The following COL15A1 variants were observed in gnomAD, a reference collection of about 807,000 sequenced individuals.
COL15A1 encodes the protein collagen alpha-1(XV) chain.
A neutral mutation model predicts 165.9 loss-of-function variants in COL15A1; 111 were observed. The ratio of observed to expected loss-of-function variants is 0.67; its 90% CI spans 0.57 to 0.78. The LOEUF is 0.78. Among genes scored for constraint, COL15A1 ranks in the 30% least tolerant of loss-of-function variants. The pLI is 0.00. For synonymous variants in COL15A1, 659 were observed against 674.8 expected (o/e 0.98, Z 0.36); for missense variants, 1,745 against 1,789.7 (o/e 0.98, Z 0.45).
chr9:98,999,647 C>G (rs1024535040), intron 6 of COL15A1, among the ~76,000 whole-genome samples: 8 of 151,248 alleles, frequency 5.3e-5, no homozygotes, highest in Non-Finnish European at 1.2e-4. Context: ...GGCTCCTGAG[C>G]AGCTGGGTCT....
chr9:98,985,894 C>T lies in COL15A1; in HGVS notation c.430C>T (p.His144Tyr). ...CCTCTACTACACGGAGCCAGGCTCC[C>T]ATGTGTCCCAAGAGGCTGCTGCCTT... ...IILYYTEPGS[H>Y]VSQEAAAFSV... Residue 144 changes from histidine to tyrosine, a missense_variant, in exon 3 of 42, where the codon CAT (histidine) becomes TAT (tyrosine). His to Tyr is a moderately conservative substitution (Grantham distance 83). Coordinates refer to ENST00000375001, the MANE Select transcript of COL15A1 (RefSeq NM_001855.5). The T allele has an allele frequency of 6.2e-7, 1 of 1,613,926 alleles. No individual in the cohort carries two copies. The highest frequency in any genetic ancestry group is 8.5e-7 in the Non-Finnish European group (1 of 1,180,024).
At chr9:99,022,241 C>T (rs2119009256) in intron 13 of COL15A1, 91 bp downstream of exon 13, 1 of 1,545,196 alleles carries the variant, frequency 6.5e-7, no homozygotes, top group Non-Finnish European at 8.9e-7. Flanking sequence ...TCCTTTTTGG[C>T]CCCCAAAGTA....
intron 36 of COL15A1, among the ~76,000 whole-genome samples, chr9:99,061,435 C>T (rs1825814324): frequency 6.6e-6 from 1 of 152,224 alleles, no homozygotes; most frequent in South Asian, 2.1e-4. Flanking sequence ...AGAGAAATTA[C>T]AGACCTCCAT....
chr9:99,005,156 C>A, intron 9 of COL15A1, 106 bp downstream of exon 9: 2 of 1,193,914 alleles, frequency 1.7e-6, no homozygotes, highest in Non-Finnish European at 2.3e-6. Flanking sequence ...GCCTGAGGCA[C>A]GGGGATCTCT....
chr9:99,056,697 G>T (rs1825725790), intron 35 of COL15A1, among the ~76,000 whole-genome samples: 1 of 152,118 alleles, frequency 6.6e-6, no homozygotes, highest in African/African-American at 2.4e-5. Flanking sequence ...ATTAGCAGTT[G>T]TTCTCTTTTC....
chr9:98,986,165 C>T, intron 3 of COL15A1, 53 bp downstream of exon 3: 1 of 1,367,100 alleles, frequency 7.3e-7, no homozygotes, highest in Non-Finnish European at 1.0e-6. Context: ...AACAGACTCG[C>T]CATGCAATAA....
chr9:98,959,227 CAAAAAAA>C (rs60892848), intron 2 of COL15A1, among the ~76,000 whole-genome samples: 3 of 73,218 alleles, frequency 4.1e-5, no homozygotes, highest in Middle Eastern at 8.3e-3. Flanking sequence ...CCTGTCTCTA[CAAAAAAA>C]AAAAAAAAAA....
intron 2 of COL15A1, among the ~76,000 whole-genome samples, chr9:98,949,744 T>C (rs947482258): frequency 3.3e-5 from 5 of 152,236 alleles, no homozygotes; most frequent in Non-Finnish European, 7.3e-5. Context: ...TGTCATTTAG[T>C]TCCTTCACAA....
chr9:99,003,515 G>A lies in COL15A1; in HGVS notation c.1128G>A (p.Glu376=). ...CCATCAGCACTGCTGGAGAAGCAGA[G>A]GCCAGCAGTGTGCCCACCGGGGGAC... ...EVPISTAGEA[E]ASSVPTGGPT... Residue 376 remains glutamate, a synonymous_variant, in exon 8 of 42, where the codon GAG becomes GAA. Transcript: ENST00000375001. 1 of 1,572,486 alleles carries A rather than the reference G, an allele frequency of 6.4e-7. No individual in the cohort carries two copies. Among genetic ancestry groups the A allele is most frequent in the Non-Finnish European group, 8.6e-7 (1 of 1,159,410 alleles).
In COL15A1 at chr9:99,060,429, ATTTT is replaced by A. The variant is rs36003230; in HGVS notation, c.3402+492_3402+495del. On this transcript the variant is annotated intron_variant, in intron 36 of 41. Coordinates refer to ENST00000375001, the MANE Select transcript of COL15A1 (RefSeq NM_001855.5). ...AGATGCACACTACCACACCTGGCTA[ATTTT>A]TTTTTTTTTTTTTTTGTAGAGACAG... is the stretch of plus-strand genomic sequence containing the variant. 6.3e-4 allele frequency among the ~76,000 whole-genome samples: 82 copies of A among 129,582 alleles called. 1 individual carries two copies. The East Asian group carries it at 9.7e-3, about 15-fold the overall frequency. The allele number at this position is 129,582 out of a possible 152,430, so 85.0% of individuals were successfully genotyped here. A position where few individuals can be genotyped will look rare whatever the true frequency, so the allele number is the denominator to read the frequency against.
intron 16 of COL15A1, among the ~76,000 whole-genome samples, chr9:99,030,598 G>A (rs994216119): frequency 1.3e-5 from 2 of 152,154 alleles, no homozygotes; most frequent in Middle Eastern, 3.2e-3. Context: ...CATAAACCAA[G>A]GCCCATGATA....
chr9:99,052,455 A>T (rs770609860), intron 31 of COL15A1, 22 bp downstream of exon 31: 1 of 1,576,452 alleles, frequency 6.3e-7, no homozygotes, highest in East Asian at 2.2e-5. Flanking sequence ...CTTCTTCATC[A>T]TTTGTTTCTC....
rs537755187 is a variant in COL15A1, at chr9:98,964,990, C to T, written c.101-20575C>T. Among the ~76,000 whole-genome samples the T allele has an allele frequency of 5.3e-5, 8 of 152,290 alleles. No individual in the cohort carries two copies. In the South Asian group the frequency reaches 8.3e-4, roughly 16 times the overall value. On this transcript the variant is annotated intron_variant, in intron 2 of 41. Coordinates refer to ENST00000375001, the MANE Select transcript of COL15A1 (RefSeq NM_001855.5). ...CACAAGCTCATCTGTTGGGACGCCC[C>T]GGGCTGTTCCCAGGGCAGCTTGATT... is the stretch of plus-strand genomic sequence containing the variant.
At chr9:99,020,952 G>A (rs1178957422) in intron 12 of COL15A1, among the ~76,000 whole-genome samples, 1 of 152,238 alleles carries the variant, frequency 6.6e-6, no homozygotes, top group Admixed American at 6.5e-5. Context: ...TGACCCTGCG[G>A]TGTGGGATGA....
At chr9:98,954,373 C>G (rs1837741971) in intron 2 of COL15A1, among the ~76,000 whole-genome samples, 1 of 152,106 alleles carries the variant, frequency 6.6e-6, no homozygotes, top group African/African-American at 2.4e-5. Flanking sequence ...GTTTATTTTC[C>G]ACCCCTAAGT....
At chr9:99,030,293 AT>A (rs1318069502) in intron 16 of COL15A1, among the ~76,000 whole-genome samples, 24 of 152,318 alleles carry the variant, frequency 1.6e-4, no homozygotes, top group African/African-American at 5.8e-4. Flanking sequence ...CAGCTCTGCT[AT>A]TTGGAATTCC....
intron 24 of COL15A1, among the ~76,000 whole-genome samples, chr9:99,042,968 C>T (rs921611613): frequency 4.6e-5 from 7 of 152,054 alleles, no homozygotes; most frequent in African/African-American, 1.2e-4. Context: ...CTGTGCTAGG[C>T]GTAGGGATAT....
At chr9:99,047,225 C>CCAGG (rs1249809364) in intron 26 of COL15A1, among the ~76,000 whole-genome samples, 4 of 152,222 alleles carry the variant, frequency 2.6e-5, no homozygotes, top group African/African-American at 9.6e-5. Flanking sequence ...GGAAAGCCAG[C>CCAGG]ACTGAAATAG....
At chr9:98,946,099 C>A (rs1000944201) in intron 2 of COL15A1, among the ~76,000 whole-genome samples, 2 of 152,218 alleles carry the variant, frequency 1.3e-5, no homozygotes, top group East Asian at 3.8e-4. Context: ...CTGCAAACTG[C>A]ATTTGTAATG....
Sources: allele counts gnomAD v4.1 joint callset (sites outside exome capture counted in the v4.1 genomes callset), GRCh38; gene constraint gnomAD v4.1.1; transcripts MANE v1.5; gene names NCBI Gene and HGNC (gene_info 2026-07-23, HGNC 2026-07-21).